UTRN: variants seen among roughly 807,000 people sequenced by gnomAD.
UTRN encodes utrophin, also known as dystrophin-related protein 1.
Under a neutral mutation model 463.9 loss-of-function variants are expected in UTRN, and 283 were observed. That is an observed-to-expected ratio of 0.61 (90% CI 0.55 to 0.67). The LOEUF (loss-of-function observed/expected upper bound fraction) is 0.67. Ranked by LOEUF, UTRN falls within the 30% of genes least tolerant of loss-of-function variation. The probability of loss-of-function intolerance (pLI) is 0.00; values close to 1 mark genes in which losing one functional copy is unlikely to be tolerated. For synonymous variants in UTRN, 1,442 were observed against 1,431.5 expected, an observed-to-expected ratio of 1.01 and a Z score of -0.17; for missense variants, 3,922 against 4,084.3, an observed-to-expected ratio of 0.96 and a Z score of 1.08.
At chr6:144,517,403 G>C (rs2128593592) in intron 39 of UTRN, among the ~76,000 whole-genome samples, 1 of 148,842 alleles carries the variant, frequency 6.7e-6, no homozygotes, top group Non-Finnish European at 1.5e-5. Context: ...TCTCTATGTT[G>C]CCCAGGCTGA....
chr6:144,660,187 T>C (rs1159193793), intron 51 of UTRN: 1 of 470,588 alleles, frequency 2.1e-6, no homozygotes, highest in South Asian at 1.5e-5. Context: ...CTGAAGGAAG[T>C]TTGCCGGAAA....
chr6:144,421,785 C>CA, intron 3 of UTRN, 93 bp from the exon 4 acceptor site: 1 of 864,206 alleles, frequency 1.2e-6, no homozygotes, highest in Non-Finnish European at 1.7e-6. Flanking sequence ...TTTAATTGAG[C>CA]AAAAAATGAA....
At chr6:144,330,821 T>C in intron 2 of UTRN, 2 of 985,482 alleles carry the variant, frequency 2.0e-6, no homozygotes, top group Non-Finnish European at 2.4e-6. Context: ...ACGGTTCCCA[T>C]ACTGTTTGGC....
chr6:144,291,406 C>A (rs955959839), intron 1 of UTRN, among the ~76,000 whole-genome samples: 1 of 152,192 alleles, frequency 6.6e-6, no homozygotes, highest in African/African-American at 2.4e-5. Flanking sequence ...GCTCAAATGT[C>A]TCTTCAAGAA....
chr6:144,676,407 A>T (rs1471367799), intron 51 of UTRN, among the ~76,000 whole-genome samples: 2 of 152,166 alleles, frequency 1.3e-5, no homozygotes, highest in African/African-American at 4.8e-5. Flanking sequence ...ATGTGCATAA[A>T]GGCTAGATCT....
chr6:144,492,065 T>C (rs1288704818), intron 32 of UTRN, among the ~76,000 whole-genome samples: 1 of 152,204 alleles, frequency 6.6e-6, no homozygotes, highest in Non-Finnish European at 1.5e-5. Context: ...ATGTGCACGT[T>C]TGATACATGG....
At chr6:144,418,160 G>GATGA (rs949562902) in intron 3 of UTRN, among the ~76,000 whole-genome samples, 1 of 151,752 alleles carries the variant, frequency 6.6e-6, no homozygotes, top group African/African-American at 2.4e-5. Flanking sequence ...CTTGTTTACA[G>GATGA]ATGAGGTCAT....
intron 33 of UTRN, among the ~76,000 whole-genome samples, chr6:144,493,884 T>C (rs1166119412): frequency 1.3e-5 from 2 of 152,168 alleles, no homozygotes; most frequent in Non-Finnish European, 2.9e-5. Context: ...GTATCTGTAG[T>C]CCTAGCTACC....
In UTRN at chr6:144,487,585, GCAC is replaced by G. The variant is rs1792592277; in HGVS notation, c.3862_3864del (p.Thr1288del). On this transcript the variant is annotated inframe_deletion, in exon 29 of 75. Coordinates refer to ENST00000367545, the MANE Select transcript of UTRN (RefSeq NM_007124.3). The stretch of plus-strand genomic sequence containing the variant: ...GTTCTGCGCCACCCGGCAGATAATC[GCAC>G]CCAGATTCGAGAGCTTGGCCAGACT... 1 of 1,612,708 alleles carries G rather than the reference GCAC, an allele frequency of 6.2e-7. No homozygotes were observed. Among genetic ancestry groups the G allele is most frequent in the East Asian group, 2.2e-5 (1 of 44,822 alleles).
At chr6:144,478,850 G>A (rs1451169514) in intron 25 of UTRN, among the ~76,000 whole-genome samples, 1 of 152,180 alleles carries the variant, frequency 6.6e-6, no homozygotes, top group Non-Finnish European at 1.5e-5. Flanking sequence ...ATGGGGAGGA[G>A]TGCTCTGAAA....
At chr6:144,402,222 AT>A (rs1782992691) in intron 2 of UTRN, among the ~76,000 whole-genome samples, 1 of 152,154 alleles carries the variant, frequency 6.6e-6, no homozygotes, top group Admixed American at 6.5e-5. Flanking sequence ...CTTTTCATTT[AT>A]ATTCACTAAC....
chr6:144,661,449 G>A (rs983327864), intron 51 of UTRN, among the ~76,000 whole-genome samples: 5 of 152,134 alleles, frequency 3.3e-5, no homozygotes, highest in Non-Finnish European at 5.9e-5. Flanking sequence ...TAAGGATTAG[G>A]CTTGTAACAC....
chr6:144,411,105 C>T (rs781750704), intron 3 of UTRN, among the ~76,000 whole-genome samples: 4 of 152,178 alleles, frequency 2.6e-5, no homozygotes, highest in Non-Finnish European at 5.9e-5. Context: ...ATTGCTGGAT[C>T]AAATGGTAGT....
chr6:144,577,228 T>A lies in UTRN; in HGVS notation c.7419T>A (p.Ser2473=). 6.2e-7 allele frequency: 1 copy of A among 1,613,970 alleles called. No individual in the cohort carries two copies. Among genetic ancestry groups the A allele is most frequent in the African/African-American group, 1.3e-5 (1 of 75,026 alleles). The change falls in exon 51 of 75, where the codon TCT becomes TCA. Residue 2473 remains serine (S), a synonymous_variant. Transcript: ENST00000367545. ...CAGTGAATGTGCTTGTGGATGCCTCTCATCGGGAGAATGCTCTTCAGGATA... is the reference window on the plus strand; with the variant it reads ...CAGTGAATGTGCTTGTGGATGCCTCACATCGGGAGAATGCTCTTCAGGATA... ...ETTVNVLVDA[S]HRENALQDSI... is the part of the protein sequence containing the mutation.
intron 2 of UTRN, among the ~76,000 whole-genome samples, chr6:144,313,782 T>TGGG (rs1387756111): frequency 1.3e-5 from 2 of 152,042 alleles, no homozygotes; most frequent in Non-Finnish European, 2.9e-5. Context: ...GGGGGAGAGA[T>TGGG]GGGGATGGAA....
rs6906020 is a variant in UTRN, at chr6:144,758,258, A to G, written c.8495+269A>G. 0.43 allele frequency: 105,422 copies of G among 247,938 alleles called. 29,957 individuals are homozygous for G. Among genetic ancestry groups the G allele is most frequent in the East Asian group, 0.87 (11,513 of 13,210 alleles). The allele number at this position is 247,938 out of a possible 1,614,324, so 15.4% of individuals were successfully genotyped here. On this transcript the variant is annotated intron_variant, in intron 58 of 74. Transcript: ENST00000367545. Reference sequence around the variant, plus strand: ...AGACAGACAATAAGCTATGATGGCCATACTGTATTCCAGCCTGGACAACAA... The same window carrying G: ...AGACAGACAATAAGCTATGATGGCCGTACTGTATTCCAGCCTGGACAACAA...
In UTRN at chr6:144,291,857, G is replaced by T; in HGVS notation, c.29G>T (p.Ser10Ile). The T allele has an allele frequency of 6.2e-7, 1 of 1,613,562 alleles. No individual in the cohort carries two copies. Among genetic ancestry groups the T allele is most frequent in the Non-Finnish European group, 8.5e-7 (1 of 1,179,736 alleles). Residue 10 changes from serine to isoleucine, a missense_variant, in exon 2 of 75, where the codon AGT becomes ATT. Transcript: ENST00000367545. ...GCCAAGTATGGAGAACATGAAGCCAGTCCTGACAATGGGCAGAACGAATTC... is the reference window on the plus strand; with the variant it reads ...GCCAAGTATGGAGAACATGAAGCCATTCCTGACAATGGGCAGAACGAATTC... The part of the protein sequence containing the change: MAKYGEHEA[S>I]PDNGQNEFSD...
intron 51 of UTRN, among the ~76,000 whole-genome samples, chr6:144,578,409 G>T (rs1387806318): frequency 6.6e-6 from 1 of 152,030 alleles, no homozygotes; most frequent in Non-Finnish European, 1.5e-5. Flanking sequence ...ATCTCAGCTT[G>T]CTACAACCTC....
At chr6:144,314,674 C>G (rs185490924) in intron 2 of UTRN, among the ~76,000 whole-genome samples, 63 of 152,300 alleles carry the variant, frequency 4.1e-4, no homozygotes, top group Admixed American at 1.2e-3. Context: ...ATATCTTCAT[C>G]ATTCTGCAGA....
Sources: gnomAD v4.1 joint callset for allele counts (sites outside exome capture counted in the v4.1 genomes callset) on GRCh38, gnomAD v4.1.1 for gene constraint, MANE v1.5 for transcripts, NCBI Gene and HGNC (gene_info 2026-07-23, HGNC 2026-07-21) for gene names.